The following THADA variants were observed in gnomAD, a reference collection of about 807,000 sequenced individuals.
THADA encodes tRNA (32-2'-O)-methyltransferase regulator THADA.
A neutral mutation model predicts 219.8 loss-of-function variants in THADA; 213 were observed. That is an observed-to-expected ratio of 0.97 (90% confidence interval 0.87 to 1.09). THADA has a LOEUF of 1.09. THADA is among the 50% of genes least tolerant of loss of function. The pLI, the probability that THADA is intolerant of heterozygous loss-of-function variation, is 0.00. For missense variants in THADA, 2,956 were observed against 2,311.3 expected (o/e 1.28, Z -5.72); for synonymous variants, 1,018 against 828.9 (o/e 1.23, Z -3.92).
At chr2:43,388,420 G>GA (rs139731350) in intron 29 of THADA, among the ~76,000 whole-genome samples, 6 of 151,170 alleles carry the variant, frequency 4.0e-5, no homozygotes, top group Non-Finnish European at 7.4e-5. Context: ...CTTCCAAGAT[G>GA]AAAAAAAAAC....
intron 26 of THADA, among the ~76,000 whole-genome samples, chr2:43,461,334 T>C (rs1208111654): frequency 6.6e-6 from 1 of 152,232 alleles, no homozygotes; most frequent in African/African-American, 2.4e-5. Context: ...GACTAAGTTT[T>C]AGATCATTCA....
chr2:43,538,803 T>C (rs1694939081), intron 21 of THADA, among the ~76,000 whole-genome samples: 1 of 152,212 alleles, frequency 6.6e-6, no homozygotes, highest in South Asian at 2.1e-4. Context: ...CCAGCTCTAA[T>C]GGTTTGTGAA....
intron 26 of THADA, among the ~76,000 whole-genome samples, chr2:43,467,468 T>C (rs970713241): frequency 1.3e-5 from 2 of 152,202 alleles, no homozygotes; most frequent in African/African-American, 4.8e-5. Context: ...GTTGGTATAC[T>C]GATGCTACTA....
chr2:43,526,582 A>C (rs1187162679), intron 22 of THADA, among the ~76,000 whole-genome samples: 2 of 152,272 alleles, frequency 1.3e-5, no homozygotes, highest in African/African-American at 4.8e-5. Flanking sequence ...AATTTCACCC[A>C]AAATTTGGCA....
At chr2:43,255,437 C>T (rs1252099238) in intron 36 of THADA, among the ~76,000 whole-genome samples, 8 of 152,194 alleles carry the variant, frequency 5.3e-5, no homozygotes, top group African/African-American at 1.9e-4. Flanking sequence ...GATCCTGTTC[C>T]TGCCTTCTTT....
intron 17 of THADA, among the ~76,000 whole-genome samples, chr2:43,553,069 T>G (rs1696938548): frequency 6.6e-6 from 1 of 152,242 alleles, no homozygotes; most frequent in East Asian, 1.9e-4. Flanking sequence ...GTATCAATAC[T>G]TCATTCCTTC....
At chr2:43,446,681 G>T (rs1205634027) in intron 26 of THADA, among the ~76,000 whole-genome samples, 1 of 152,136 alleles carries the variant, frequency 6.6e-6, no homozygotes, top group Non-Finnish European at 1.5e-5. Flanking sequence ...TAAATTTTGG[G>T]GTTGTTTGTC....
intron 36 of THADA, among the ~76,000 whole-genome samples, chr2:43,265,361 A>C (rs1372404863): frequency 2.0e-5 from 3 of 152,238 alleles, no homozygotes; most frequent in African/African-American, 7.2e-5. Context: ...AGGACTCACA[A>C]TCAGAGCCTC....
chr2:43,483,183 G>C (rs1320109763), intron 26 of THADA, among the ~76,000 whole-genome samples: 1 of 152,168 alleles, frequency 6.6e-6, no homozygotes, highest in Non-Finnish European at 1.5e-5. Context: ...GCTGAGGTTA[G>C]TTATCCGGTG....
chr2:43,395,778 G>C (rs1037959465), intron 29 of THADA, among the ~76,000 whole-genome samples: 2 of 152,126 alleles, frequency 1.3e-5, no homozygotes, highest in Non-Finnish European at 2.9e-5. Context: ...TTGAGACAGA[G>C]TCTCACTCTG....
chr2:43,498,306 T>A (rs999022494), intron 25 of THADA, among the ~76,000 whole-genome samples: 1 of 152,196 alleles, frequency 6.6e-6, no homozygotes, highest in African/African-American at 2.4e-5. Flanking sequence ...AAATGCACAG[T>A]GCTGATAAAT....
At chr2:43,495,290 C>T (rs1411902769) in intron 25 of THADA, among the ~76,000 whole-genome samples, 1 of 151,886 alleles carries the variant, frequency 6.6e-6, no homozygotes, top group Admixed American at 6.6e-5. Context: ...ATATTTATTT[C>T]CTCTAGTAAA....
At chr2:43,592,171 C>A in intron 2 of THADA, 125 bp from the exon 3 acceptor site, 3 of 1,008,384 alleles carry the variant, frequency 3.0e-6, no homozygotes, top group Non-Finnish European at 2.8e-6. Flanking sequence ...AGTCTGAAGA[C>A]AGAATTTTAA....
At chr2:43,357,240 T>A (rs536309544) in intron 29 of THADA, among the ~76,000 whole-genome samples, 1 of 151,844 alleles carries the variant, frequency 6.6e-6, no homozygotes, top group East Asian at 1.9e-4. Flanking sequence ...ACAATGAGGG[T>A]TTTTTTTAAC....
At chr2:43,577,383 G>A (rs757981584) in intron 9 of THADA, 141 bp from the exon 10 acceptor site, 7 of 685,216 alleles carry the variant, frequency 1.0e-5, no homozygotes, top group African/African-American at 9.1e-5. Context: ...ACCCACAAAT[G>A]TCATGATTAT....
chr2:43,290,071 G>A (rs2104358144), intron 34 of THADA, among the ~76,000 whole-genome samples: 1 of 148,656 alleles, frequency 6.7e-6, no homozygotes, highest in South Asian at 2.1e-4. Context: ...TGCCTCCTGG[G>A]TTCAAGCAAT....
At chr2:43,582,021 G>A (rs1395425876) in intron 7 of THADA, 93 bp from the exon 8 acceptor site, 1 of 880,280 alleles carries the variant, frequency 1.1e-6, no homozygotes, top group African/African-American at 1.7e-5. Flanking sequence ...TTCCTCAAAG[G>A]CCCAAAATCA....
intron 3 of THADA, 55 bp downstream of exon 3, chr2:43,591,897 C>T: frequency 8.3e-7 from 1 of 1,204,228 alleles, no homozygotes. Flanking sequence ...TTTTTTAAAT[C>T]CTTAATAGCA....
chr2:43,591,077 T>G, intron 3 of THADA, 123 bp from the exon 4 acceptor site: 1 of 887,962 alleles, frequency 1.1e-6, no homozygotes, highest in Non-Finnish European at 1.7e-6. Flanking sequence ...TCCCAACACT[T>G]TGGGAGGCTG....
Sources: gnomAD v4.1 joint callset for allele counts (sites outside exome capture counted in the v4.1 genomes callset) on GRCh38, gnomAD v4.1.1 for gene constraint, MANE v1.5 for transcripts, NCBI Gene and HGNC (gene_info 2026-07-23, HGNC 2026-07-21) for gene names.